The following CSMD3 variants were observed in gnomAD, a reference collection of about 807,000 sequenced individuals.
CSMD3 encodes the protein CUB and Sushi multiple domains 3, also known as CUB and sushi domain-containing protein 3.
Under a neutral mutation model 435.2 loss-of-function variants are expected in CSMD3, and 177 were observed. The ratio of observed to expected loss-of-function variants is 0.41; its 90% CI spans 0.36 to 0.46. The LOEUF (loss-of-function observed/expected upper bound fraction) is 0.46. Among genes scored for constraint, CSMD3 ranks in the 20% least tolerant of loss-of-function variants. CSMD3 has a pLI of 0.34. For synonymous variants in CSMD3, 1,656 were observed against 1,520.5 expected (o/e 1.09, Z -2.07); for missense variants, 4,265 against 4,504.6 (o/e 0.95, Z 1.52).
chr8:113,287,347 C>T lies in CSMD3; in HGVS notation c.402-8643G>A, dbSNP rs540304033. On this transcript the variant is annotated intron_variant, in intron 2 of 70. Transcript: ENST00000297405. The stretch of plus-strand genomic sequence containing the variant: ...TTAGCCTATTTAATGTCACAATAAA[C>T]AAGAAAACCACAGGAACAAGCTGAT... 1.2e-4 allele frequency among the ~76,000 whole-genome samples: 19 copies of T among 152,002 alleles called. No homozygotes were observed. In the South Asian group the frequency reaches 3.7e-3, roughly 30 times the overall value.
intron 10 of CSMD3, among the ~76,000 whole-genome samples, chr8:112,912,326 G>T (rs2130547405): frequency 1.3e-5 from 2 of 150,586 alleles, no homozygotes; most frequent in South Asian, 4.2e-4. Context: ...ATTTTTTTCA[G>T]GAATCTGCAT....
intron 3 of CSMD3, among the ~76,000 whole-genome samples, chr8:113,228,457 C>T (rs1469683217): frequency 2.0e-5 from 3 of 151,524 alleles, no homozygotes; most frequent in African/African-American, 7.3e-5. Flanking sequence ...AAAAAATTCA[C>T]TGGAGCTGTA....
At chr8:112,687,044 T>C (rs2076028882) in intron 14 of CSMD3, among the ~76,000 whole-genome samples, 1 of 152,142 alleles carries the variant, frequency 6.6e-6, no homozygotes, top group Non-Finnish European at 1.5e-5. Context: ...AAAGCTTTTT[T>C]GTTCATTATT....
chr8:112,292,047 A>G (rs1238795596), intron 55 of CSMD3, among the ~76,000 whole-genome samples: 1 of 152,104 alleles, frequency 6.6e-6, no homozygotes, highest in Non-Finnish European at 1.5e-5. Flanking sequence ...AATATGAAAT[A>G]TACTTCTTTG....
At chr8:112,763,812 G>A (rs2077906453) in intron 13 of CSMD3, among the ~76,000 whole-genome samples, 1 of 150,912 alleles carries the variant, frequency 6.6e-6, no homozygotes, top group Non-Finnish European at 1.5e-5. Context: ...AATGTAACAA[G>A]AATACACATT....
At chr8:112,230,102 C>T (rs1294559389) in intron 69 of CSMD3, among the ~76,000 whole-genome samples, 6 of 151,982 alleles carry the variant, frequency 3.9e-5, no homozygotes, top group Non-Finnish European at 5.9e-5. Context: ...CCAAGCTTGT[C>T]GACACATTTG....
chr8:113,111,375 T>A (rs1442775693), intron 4 of CSMD3, among the ~76,000 whole-genome samples: 1 of 152,140 alleles, frequency 6.6e-6, no homozygotes, highest in African/African-American at 2.4e-5. Context: ...AAATTTACTA[T>A]GACTTATTTT....
intron 25 of CSMD3, among the ~76,000 whole-genome samples, chr8:112,553,103 C>T (rs887057719): frequency 1.8e-4 from 28 of 152,166 alleles, no homozygotes; most frequent in African/African-American, 6.3e-4. Context: ...CTTGCTACCC[C>T]GCCTTTGAGA....
intron 42 of CSMD3, among the ~76,000 whole-genome samples, chr8:112,338,508 A>C (rs1444851432): frequency 1.3e-5 from 2 of 152,288 alleles, no homozygotes; most frequent in African/African-American, 2.4e-5. Context: ...CTTTTTAATT[A>C]AGAAGTTCAA....
chr8:112,821,477 A>C (rs1587392519), intron 12 of CSMD3, among the ~76,000 whole-genome samples: 1 of 151,116 alleles, frequency 6.6e-6, no homozygotes, highest in African/African-American at 2.4e-5. Context: ...CATGTCCTTG[A>C]CCCACTTTTT....
Position 112,361,596 on chromosome 8 carries a change from T to C in CSMD3, c.6137-9062A>G, listed in dbSNP as rs1276864636. On this transcript the variant is annotated intron_variant, in intron 38 of 70. Coordinates refer to ENST00000297405, the MANE Select transcript of CSMD3 (RefSeq NM_198123.2). ...ACATATATATATATATATATATATA[T>C]ATATATATATATATATATATATATG... 7.4e-3 allele frequency among the ~76,000 whole-genome samples: 954 copies of C among 129,350 alleles called. 39 individuals carry two copies. The highest frequency in any genetic ancestry group is 0.024 in the African/African-American group (881 of 36,606). 84.9% of individuals were successfully genotyped at this position (129,350 alleles called of 152,430 possible). A position where few individuals can be genotyped will look rare whatever the true frequency, so the allele number is the denominator to read the frequency against.
At chr8:112,578,012 T>G (rs528178326) in intron 23 of CSMD3, among the ~76,000 whole-genome samples, 87 of 152,222 alleles carry the variant, frequency 5.7e-4, no homozygotes, top group African/African-American at 1.8e-3. Flanking sequence ...TCTTGGATCC[T>G]AGCATTTTTA....
chr8:113,207,380 T>C (rs1449122338), intron 3 of CSMD3, among the ~76,000 whole-genome samples: 1 of 141,364 alleles, frequency 7.1e-6, no homozygotes, highest in Non-Finnish European at 1.5e-5. Flanking sequence ...ACATCAATTA[T>C]TTTTCTTTTT....
chr8:112,703,393 T>C (rs995705925), intron 13 of CSMD3, among the ~76,000 whole-genome samples: 3 of 152,180 alleles, frequency 2.0e-5, no homozygotes, highest in African/African-American at 7.2e-5. Flanking sequence ...AGAGCAATAT[T>C]GGAAATATAG....
chr8:112,492,265 T>G (rs985278728), intron 31 of CSMD3, among the ~76,000 whole-genome samples: 1 of 152,148 alleles, frequency 6.6e-6, no homozygotes, highest in Non-Finnish European at 1.5e-5. Flanking sequence ...TTGCCTATTA[T>G]AGTACACATA....
chr8:112,395,040 C>A (rs1436683873), intron 35 of CSMD3, among the ~76,000 whole-genome samples: 1 of 152,138 alleles, frequency 6.6e-6, no homozygotes, highest in African/African-American at 2.4e-5. Context: ...TTGTCTAATT[C>A]TACTGCAATC....
chr8:112,982,790 CCTT>C (rs2085101629), intron 6 of CSMD3, among the ~76,000 whole-genome samples: 1 of 151,812 alleles, frequency 6.6e-6, no homozygotes, highest in African/African-American at 2.4e-5. Flanking sequence ...AAATATATTA[CCTT>C]CTTTCTGAAT....
rs1340405202 is a variant in CSMD3 at position 112,253,217 on chromosome 8, T to C, written c.10110+1036A>G. Among the ~76,000 whole-genome samples, 7 of 151,912 alleles carry C rather than the reference T, an allele frequency of 4.6e-5. No homozygotes were observed. In the Admixed American group the frequency reaches 4.6e-4, roughly 10 times the overall value. On this transcript the variant is annotated intron_variant, in intron 63 of 70. Transcript: ENST00000297405. The stretch of plus-strand genomic sequence containing the variant: ...GTACATATGATGAGGACTAGTGCTG[T>C]GCAGCTAGTTGCCCATTTTTCAGGA...
intron 27 of CSMD3, among the ~76,000 whole-genome samples, chr8:112,533,000 T>C (rs1825684972): frequency 6.6e-6 from 1 of 152,120 alleles, no homozygotes; most frequent in Non-Finnish European, 1.5e-5. Context: ...TTTCTTTGTT[T>C]GTTTCTGTGC....
Sources: allele counts gnomAD v4.1 joint callset (sites outside exome capture counted in the v4.1 genomes callset), GRCh38; gene constraint gnomAD v4.1.1; transcripts MANE v1.5; gene names NCBI Gene and HGNC (gene_info 2026-07-23, HGNC 2026-07-21).